MYO1D: variants seen among roughly 807,000 people sequenced by gnomAD.
MYO1D encodes the protein unconventional myosin-Id.
A neutral mutation model predicts 122.0 loss-of-function variants in MYO1D; 83 were observed. The ratio of observed to expected loss-of-function variants is 0.68; its 90% confidence interval spans 0.57 to 0.82. The LOEUF is 0.82. MYO1D is among the 40% of genes least tolerant of loss of function. MYO1D has a pLI of 0.00. For synonymous variants in MYO1D, 464 were observed against 446.9 expected (o/e 1.04, Z -0.48); for missense variants, 1,157 against 1,269.5 (o/e 0.91, Z 1.35).
At chr17:32,803,251 A>G (rs1173770360) in intron 1 of MYO1D, among the ~76,000 whole-genome samples, 1 of 152,016 alleles carries the variant, frequency 6.6e-6, no homozygotes, top group African/African-American at 2.4e-5. Flanking sequence ...GGTTCACGCC[A>G]TTCTCCTGCC....
chr17:32,873,508 T>C (rs2091201359), intron 1 of MYO1D, among the ~76,000 whole-genome samples: 1 of 152,202 alleles, frequency 6.6e-6, no homozygotes, highest in African/African-American at 2.4e-5. Flanking sequence ...CAGAAATATG[T>C]GCCCAACCAC....
intron 1 of MYO1D, among the ~76,000 whole-genome samples, chr17:32,859,952 A>G (rs952132829): frequency 6.6e-6 from 1 of 152,186 alleles, no homozygotes; most frequent in African/African-American, 2.4e-5. Context: ...GCGCCTGACT[A>G]TTCCATCATG....
chr17:32,523,551 C>A (rs993039276), intron 21 of MYO1D: 1 of 152,140 alleles, frequency 6.6e-6, no homozygotes, highest in Non-Finnish European at 1.5e-5. Context: ...CTACAAAAAT[C>A]ATTCCATTCA....
intron 13 of MYO1D, 115 bp downstream of exon 13, chr17:32,745,096 A>G (rs996524942): frequency 1.7e-5 from 11 of 660,640 alleles, no homozygotes; most frequent in Admixed American, 1.3e-4. Context: ...CTGATAAAGC[A>G]GAACAAGAAA....
chr17:32,569,829 A>G (rs543797251), intron 21 of MYO1D, among the ~76,000 whole-genome samples: 2 of 152,308 alleles, frequency 1.3e-5, no homozygotes, highest in African/African-American at 4.8e-5. Flanking sequence ...GCCAGAAAAT[A>G]AGATCCGGGA....
chr17:32,510,987 C>T (rs566636872), intron 21 of MYO1D: 2 of 151,590 alleles, frequency 1.3e-5, no homozygotes, highest in East Asian at 1.9e-4. Flanking sequence ...AACAGAATAC[C>T]ACCAAACCAA....
intron 11 of MYO1D, among the ~76,000 whole-genome samples, chr17:32,750,677 CTAATGTTCGA>C (rs2089889997): frequency 6.6e-6 from 1 of 152,082 alleles, no homozygotes; most frequent in East Asian, 1.9e-4. Flanking sequence ...CACTTAGGTT[CTAATGTTCGA>C]TAACAAATAA....
chr17:32,680,773 G>T (rs2088902671), intron 16 of MYO1D, among the ~76,000 whole-genome samples: 4 of 152,236 alleles, frequency 2.6e-5, no homozygotes, highest in Admixed American at 1.3e-4. Flanking sequence ...CATAAAATGA[G>T]TTAGGGAGGA....
intron 16 of MYO1D, among the ~76,000 whole-genome samples, chr17:32,694,386 T>C (rs186312020): frequency 6.6e-6 from 1 of 152,290 alleles, no homozygotes; most frequent in East Asian, 1.9e-4. Flanking sequence ...GTGTTGGACA[T>C]ACCTACTATG....
intron 2 of MYO1D, among the ~76,000 whole-genome samples, chr17:32,778,998 C>A (rs1287446833): frequency 6.6e-6 from 1 of 151,696 alleles, no homozygotes; most frequent in Non-Finnish European, 1.5e-5. Flanking sequence ...TTAAAGGGGA[C>A]AAAATAATTC....
intron 16 of MYO1D, among the ~76,000 whole-genome samples, chr17:32,694,649 C>G (rs321165): frequency 1.4e-5 from 2 of 145,072 alleles, no homozygotes; most frequent in African/African-American, 5.2e-5. Flanking sequence ...TGCAGTGAGC[C>G]GAGATTGCGC....
At chr17:32,629,063 C>A (rs1326332485) in intron 20 of MYO1D, among the ~76,000 whole-genome samples, 1 of 152,114 alleles carries the variant, frequency 6.6e-6, no homozygotes. Context: ...TGCCAACAAG[C>A]CATGGGAAGA....
At chr17:32,811,546 T>C (rs1231856846) in intron 1 of MYO1D, among the ~76,000 whole-genome samples, 1 of 151,494 alleles carries the variant, frequency 6.6e-6, no homozygotes, top group Non-Finnish European at 1.5e-5. Flanking sequence ...CTTCTAATCA[T>C]GAAATATTTC....
chr17:32,759,780 A>G (rs540929581), intron 10 of MYO1D: 2 of 269,652 alleles, frequency 7.4e-6, no homozygotes. Context: ...ATTAGAGTAG[A>G]GGTGATAATT....
At chr17:32,629,604 C>A (rs774165004) in intron 20 of MYO1D, among the ~76,000 whole-genome samples, 36 of 151,952 alleles carry the variant, frequency 2.4e-4, no homozygotes, top group African/African-American at 8.5e-4. Flanking sequence ...GGCGTGGTGG[C>A]GGGCGCCTGT....
At chr17:32,797,412 G>C (rs1019342468) in intron 1 of MYO1D, among the ~76,000 whole-genome samples, 1 of 152,152 alleles carries the variant, frequency 6.6e-6, no homozygotes, top group African/African-American at 2.4e-5. Context: ...GCACAGGCTG[G>C]GAGGCACAGT....
rs138514486 is a variant in MYO1D at position 32,865,319 on chromosome 17, G to A, written c.95+11459C>T. On this transcript the variant is annotated intron_variant, in intron 1 of 21. Coordinates refer to ENST00000318217, the MANE Select transcript of MYO1D (RefSeq NM_015194.3). Reference sequence around the variant, plus strand: ...TCTATTGTACAAGTTACTCAAAGCCGACTTTGTGGTCAGAGGCGAAATTTG... The same window carrying A: ...TCTATTGTACAAGTTACTCAAAGCCAACTTTGTGGTCAGAGGCGAAATTTG... 5.8e-3 allele frequency among the ~76,000 whole-genome samples: 874 copies of A among 151,960 alleles called. 5 individuals carry two copies. The highest frequency in any genetic ancestry group is 9.7e-3 in the Admixed American group (149 of 15,292).
rs368600288 is a variant in MYO1D at position 32,760,258 on chromosome 17, C to T, written c.1296+32G>A. 6.6e-6 allele frequency: 10 copies of T among 1,504,912 alleles called. No individual in the cohort carries two copies. The African/African-American group carries it at 1.4e-4, about 21-fold the overall frequency. The allele number at this position is 1,504,912 out of a possible 1,614,324, so 93.2% of individuals were successfully genotyped here. ...GACATTATCAATAATATGAGAAACA[C>T]ATGAAGGCATTTTCCATAAGAGTCC... On this transcript the variant is annotated intron_variant, in intron 10 of 21. Coordinates refer to ENST00000318217, the MANE Select transcript of MYO1D (RefSeq NM_015194.3).
intron 3 of MYO1D, among the ~76,000 whole-genome samples, chr17:32,776,452 A>G (rs1325971715): frequency 6.6e-6 from 1 of 152,220 alleles, no homozygotes; most frequent in East Asian, 1.9e-4. Flanking sequence ...GGTTATCTAG[A>G]CAGGAGACTG....
Sources: gnomAD v4.1 joint callset for allele counts (sites outside exome capture counted in the v4.1 genomes callset) on GRCh38, gnomAD v4.1.1 for gene constraint, MANE v1.5 for transcripts, NCBI Gene and HGNC (gene_info 2026-07-23, HGNC 2026-07-21) for gene names.